Variants in DCUN1D4 observed in about 807,000 individuals in gnomAD.
DCUN1D4 encodes defective in cullin neddylation 1 domain containing 4, also known as DCN1-like protein 4.
DCUN1D4 carries 22 observed loss-of-function variants against 47.9 expected under a neutral mutation model. The ratio of observed to expected loss-of-function variants is 0.46; its 90% CI spans 0.33 to 0.66. DCUN1D4 has a LOEUF of 0.66. Ranked by LOEUF, DCUN1D4 falls within the 30% of genes least tolerant of loss-of-function variation. The pLI, the probability that DCUN1D4 is intolerant of heterozygous loss-of-function variation, is 0.02. For synonymous variants in DCUN1D4, 121 were observed against 112.2 expected (o/e 1.08, Z -0.50); for missense variants, 301 against 340.8 (o/e 0.88, Z 0.92).
chr4:51,842,894 A>G (rs1577793464), upstream of DCUN1D4: 1 of 380,002 alleles, frequency 2.6e-6, no homozygotes, highest in Non-Finnish European at 4.3e-6. Flanking sequence ...GCGCTCTCGG[A>G]CCCCTGGGGG....
intron 8 of DCUN1D4, among the ~76,000 whole-genome samples, chr4:51,907,712 G>C (rs938976836): frequency 4.6e-5 from 7 of 151,944 alleles, no homozygotes; most frequent in Admixed American, 6.6e-5. Context: ...CTTTTCATAT[G>C]TAAGTCTTAA....
rs1368203254 is a variant in DCUN1D4, at chr4:51,899,467, C to CA, written c.615+96dup. The CA allele has an allele frequency of 7.8e-5, 115 of 1,482,182 alleles. No individual in the cohort carries two copies. The East Asian group carries it at 1.5e-3, about 19-fold the overall frequency. The allele number at this position is 1,482,182 out of a possible 1,614,324, so 91.8% of individuals were successfully genotyped here. A position where few individuals can be genotyped will look rare whatever the true frequency, so the allele number is the denominator to read the frequency against. On this transcript the variant is annotated intron_variant, in intron 8 of 10. Transcript: ENST00000334635. ...TGAGGTTAGTTTTTACATGCCACAG[C>CA]AAAAAAACTTGAATAAGTTAACTCC...
intron 3 of DCUN1D4, among the ~76,000 whole-genome samples, chr4:51,867,610 T>C (rs1726166316): frequency 6.6e-6 from 1 of 152,182 alleles, no homozygotes; most frequent in Non-Finnish European, 1.5e-5. Flanking sequence ...GAGTAGCTCC[T>C]ATCTGCAGGC....
At chr4:51,850,303 A>T (rs913932201) in intron 1 of DCUN1D4, among the ~76,000 whole-genome samples, 1 of 152,070 alleles carries the variant, frequency 6.6e-6, no homozygotes, top group Non-Finnish European at 1.5e-5. Context: ...GAGTTAGATG[A>T]CTTGTTCTGG....
intron 1 of DCUN1D4, among the ~76,000 whole-genome samples, chr4:51,860,926 T>C (rs1035861144): frequency 2.6e-5 from 4 of 152,186 alleles, no homozygotes; most frequent in Non-Finnish European, 5.9e-5. Flanking sequence ...GGATCATTGA[T>C]GTAAGGCGAG....
At chr4:51,882,855 T>A (rs1044959130) in intron 5 of DCUN1D4, among the ~76,000 whole-genome samples, 1 of 152,038 alleles carries the variant, frequency 6.6e-6, no homozygotes, top group Admixed American at 6.5e-5. Flanking sequence ...AGAGGAATTT[T>A]AAAAGAATTA....
chr4:51,895,660 C>T (rs1312232478), intron 7 of DCUN1D4, among the ~76,000 whole-genome samples: 3 of 150,690 alleles, frequency 2.0e-5, no homozygotes, highest in African/African-American at 7.3e-5. Flanking sequence ...GGGGCAGGGG[C>T]CTTTTCCTGG....
At chr4:51,887,904 GTT>G (rs76995556) in intron 6 of DCUN1D4, among the ~76,000 whole-genome samples, 4 of 128,368 alleles carry the variant, frequency 3.1e-5, no homozygotes, top group Admixed American at 7.7e-5. Flanking sequence ...TTTTTTTTTG[GTT>G]TTTTTTTTTT....
intron 5 of DCUN1D4, 124 bp from the exon 6 acceptor site, chr4:51,886,444 A>AT (rs1032194159): frequency 1.2e-3 from 877 of 725,698 alleles, no homozygotes; most frequent in South Asian, 2.0e-3. Context: ...CTTAGACTTG[A>AT]TTTTTTTTTC....
At chr4:51,844,504 G>A in intron 1 of DCUN1D4, 1 of 704,760 alleles carries the variant, frequency 1.4e-6, no homozygotes, top group Non-Finnish European at 1.7e-6. Flanking sequence ...CCTGATGGCC[G>A]GGTCGGGGGC....
intron 1 of DCUN1D4, among the ~76,000 whole-genome samples, chr4:51,856,441 A>T (rs1456697064): frequency 6.6e-6 from 1 of 152,132 alleles, no homozygotes; most frequent in Non-Finnish European, 1.5e-5. Context: ...ATTGTTTTAG[A>T]TTCAGCCAGT....
chr4:51,904,666 T>G (rs1268842848), intron 8 of DCUN1D4, among the ~76,000 whole-genome samples: 5 of 152,182 alleles, frequency 3.3e-5, no homozygotes, highest in Admixed American at 6.5e-5. Flanking sequence ...CAGTCCTGTG[T>G]TGCCTGTTTT....
At chr4:51,888,696 C>T (rs1262037551) in intron 6 of DCUN1D4, among the ~76,000 whole-genome samples, 4 of 147,998 alleles carry the variant, frequency 2.7e-5, no homozygotes, top group Admixed American at 6.8e-5. Context: ...TGCACTCCAG[C>T]CTGGGCAACA....
At chr4:51,886,425 A>G in intron 5 of DCUN1D4, 143 bp from the exon 6 acceptor site, 1 of 586,416 alleles carries the variant, frequency 1.7e-6, no homozygotes, top group Non-Finnish European at 2.9e-6. Context: ...ATTCGAGAAT[A>G]CTTTTCAACT....
chr4:51,843,259 C>A lies in DCUN1D4; in HGVS notation c.17C>A (p.Ala6Asp). 2 of 1,542,308 alleles carry A rather than the reference C, an allele frequency of 1.3e-6. No homozygotes were observed. Among genetic ancestry groups the A allele is most frequent in the South Asian group, 2.4e-5 (2 of 83,008 alleles). Residue 6 changes from alanine to aspartate, a missense_variant, in exon 1 of 11, where the codon GCC (alanine) becomes GAC (aspartate). By Grantham distance (126) the Ala-to-Asp change is moderately radical (BLOSUM62 -2). This residue lies in a region of DCUN1D4 where 131 missense variants were observed against 106.3 expected (regional missense o/e 1.23). Coordinates refer to ENST00000334635, the MANE Select transcript of DCUN1D4 (RefSeq NM_001040402.3). The stretch of plus-strand genomic sequence containing the variant: ...TGCCTGAAAATGCACTCGGATGCCG[C>A]CGCTGTCAGTGAGTAGCAGAGAGCC... MHSDA[A>D]AVNFQLNSHL...
At chr4:51,885,789 G>A (rs1385169059) in intron 5 of DCUN1D4, among the ~76,000 whole-genome samples, 1 of 152,136 alleles carries the variant, frequency 6.6e-6, no homozygotes, top group Non-Finnish European at 1.5e-5. Context: ...AAGCCAGAAG[G>A]GGAGAGGAAG....
intron 1 of DCUN1D4, among the ~76,000 whole-genome samples, chr4:51,848,035 A>G (rs1298727798): frequency 6.6e-6 from 1 of 152,242 alleles, no homozygotes; most frequent in Non-Finnish European, 1.5e-5. Context: ...ATGATCAACT[A>G]TTGAATAACT....
At chr4:51,903,531 A>C (rs550141962) in intron 8 of DCUN1D4, among the ~76,000 whole-genome samples, 13 of 152,108 alleles carry the variant, frequency 8.5e-5, no homozygotes, top group African/African-American at 2.6e-4. Context: ...CTGTGGGTTT[A>C]TAGTTTTTAT....
chr4:51,848,540 G>A (rs1490746956), intron 1 of DCUN1D4, among the ~76,000 whole-genome samples: 1 of 152,158 alleles, frequency 6.6e-6, no homozygotes, highest in Non-Finnish European at 1.5e-5. Context: ...ATAAATGCTG[G>A]TAAATTTTTA....
Sources: gnomAD v4.1 joint callset for allele counts (sites outside exome capture counted in the v4.1 genomes callset) on GRCh38, gnomAD v4.1.1 for gene constraint, gnomAD v4.1.1 regional missense constraint, MANE v1.5 for transcripts, NCBI Gene and HGNC (gene_info 2026-07-23, HGNC 2026-07-21) for gene names.